RASA2: variants seen among roughly 807,000 people sequenced by gnomAD.
RASA2 encodes the protein RAS p21 protein activator 2.
Under a neutral mutation model 118.2 loss-of-function variants are expected in RASA2, and 155 were observed. The ratio of observed to expected loss-of-function variants is 1.31; its 90% CI spans 1.15 to 1.50. RASA2 has a LOEUF of 1.50. Among genes scored for constraint, RASA2 ranks in the 40% most tolerant of loss-of-function variants. RASA2 has a pLI of 0.00. For synonymous variants in RASA2, 353 were observed against 349.1 expected (o/e 1.01, Z -0.12); for missense variants, 1,016 against 1,009.6 (o/e 1.01, Z -0.09).
chr3:141,522,322 A>AG (rs1484932801), intron 3 of RASA2, among the ~76,000 whole-genome samples: 1 of 152,140 alleles, frequency 6.6e-6, no homozygotes, highest in Non-Finnish European at 1.5e-5. Flanking sequence ...GGCTGCTGAG[A>AG]GAAAGGCAGG....
intron 19 of RASA2, among the ~76,000 whole-genome samples, chr3:141,606,968 A>T (rs1242382240): frequency 6.6e-6 from 1 of 152,178 alleles, no homozygotes; most frequent in African/African-American, 2.4e-5. Flanking sequence ...GTGAGATATA[A>T]TTTATTCTCA....
At chr3:141,601,555 T>C (rs1183682276) in intron 19 of RASA2, among the ~76,000 whole-genome samples, 3 of 152,208 alleles carry the variant, frequency 2.0e-5, no homozygotes, top group African/African-American at 4.8e-5. Context: ...TTAAAAGCAC[T>C]GAACATTTTT....
chr3:141,574,940 G>T (rs1216428270), intron 14 of RASA2, among the ~76,000 whole-genome samples: 2 of 152,088 alleles, frequency 1.3e-5, no homozygotes, highest in Admixed American at 1.3e-4. Context: ...TTTTAATTTT[G>T]AAAAAGTAGC....
chr3:141,561,775 G>A, intron 9 of RASA2, among the ~76,000 whole-genome samples: 1 of 152,226 alleles, frequency 6.6e-6, no homozygotes, highest in South Asian at 2.1e-4. Flanking sequence ...TCTCAAAATA[G>A]ATTAATTTTT....
At chr3:141,598,952 G>A (rs747908935) in intron 19 of RASA2, among the ~76,000 whole-genome samples, 1 of 151,998 alleles carries the variant, frequency 6.6e-6, no homozygotes. Context: ...GCTGGGCGTC[G>A]TGGTGCATGC....
intron 9 of RASA2, among the ~76,000 whole-genome samples, chr3:141,563,089 AATT>A (rs2082762407): frequency 1.3e-5 from 2 of 152,146 alleles, no homozygotes; most frequent in Non-Finnish European, 2.9e-5. Flanking sequence ...CTATGGTTAG[AATT>A]GTTTAAATGC....
intron 1 of RASA2, among the ~76,000 whole-genome samples, chr3:141,510,672 A>AT (rs2151079396): frequency 6.6e-6 from 1 of 152,358 alleles, no homozygotes; most frequent in African/African-American, 2.4e-5. Flanking sequence ...AGACTGAATG[A>AT]TAAGGCACTC....
chr3:141,557,336 A>G (rs2082665076), intron 7 of RASA2, among the ~76,000 whole-genome samples: 1 of 152,252 alleles, frequency 6.6e-6, no homozygotes, highest in Non-Finnish European at 1.5e-5. Context: ...TGGGGAGGTC[A>G]GATGAACTCT....
intron 1 of RASA2, among the ~76,000 whole-genome samples, chr3:141,510,920 A>G (rs1312468445): frequency 1.3e-5 from 2 of 152,168 alleles, no homozygotes; most frequent in African/African-American, 2.4e-5. Context: ...AACCTAAAGA[A>G]TATGTTTCAA....
intron 9 of RASA2, among the ~76,000 whole-genome samples, chr3:141,565,614 G>T (rs2082807710): frequency 1.3e-5 from 2 of 152,156 alleles, no homozygotes; most frequent in African/African-American, 4.8e-5. Flanking sequence ...AAGCTCTCTT[G>T]CCTGCCGCAT....
chr3:141,587,618 G>A lies in RASA2; in HGVS notation c.1933+866G>A, dbSNP rs113326330. Reference sequence around the variant, plus strand: ...AGTCCCAGCTACTCTGGAGGCTGAGGCAGGAGAATCGCTTGAACCCAGGAG... The same window carrying A: ...AGTCCCAGCTACTCTGGAGGCTGAGACAGGAGAATCGCTTGAACCCAGGAG... On this transcript the variant is annotated intron_variant, in intron 19 of 23. Transcript: ENST00000286364. Among the ~76,000 whole-genome samples the A allele has an allele frequency of 9.2e-3, 1,392 of 151,502 alleles. 25 individuals are homozygous for A. The highest frequency in any genetic ancestry group is 0.032 in the African/African-American group (1,300 of 41,248).
At chr3:141,491,486 C>T (rs2081639173) in intron 1 of RASA2, among the ~76,000 whole-genome samples, 1 of 152,074 alleles carries the variant, frequency 6.6e-6, no homozygotes, top group South Asian at 2.1e-4. Flanking sequence ...AAAAATCATC[C>T]CAGTGTCAGC....
At chr3:141,598,813 G>A (rs1259967064) in intron 19 of RASA2, among the ~76,000 whole-genome samples, 1 of 152,044 alleles carries the variant, frequency 6.6e-6, no homozygotes, top group African/African-American at 2.4e-5. Context: ...GGCTGGGCAC[G>A]GTGGTTCACG....
chr3:141,502,567 A>G (rs960426079), intron 1 of RASA2, among the ~76,000 whole-genome samples: 1 of 152,072 alleles, frequency 6.6e-6, no homozygotes, highest in Non-Finnish European at 1.5e-5. Flanking sequence ...TGTTCATGTT[A>G]TGCCTTCCTC....
Position 141,613,543 on chromosome 3 carries a change from A to T in RASA2, c.*1230A>T, listed in dbSNP as rs1029563916. 3.3e-5 allele frequency: 5 copies of T among 152,192 alleles called. No individual in the cohort carries two copies. Among genetic ancestry groups the T allele is most frequent in the Non-Finnish European group, 7.3e-5 (5 of 68,040 alleles). 9.4% of individuals were successfully genotyped at this position (152,192 alleles called of 1,614,324 possible). A position where few individuals can be genotyped will look rare whatever the true frequency, so the allele number is the denominator to read the frequency against. On this transcript the variant is annotated 3_prime_UTR_variant, in exon 24 of 24. Transcript: ENST00000286364. ...CTTTGCTTCATCAGTATTAAAAACC[A>T]TGGTACTCTTATTTTGTCTTTTTTA...
chr3:141,552,349 G>A (rs1471634865), intron 5 of RASA2, among the ~76,000 whole-genome samples: 1 of 152,106 alleles, frequency 6.6e-6, no homozygotes, highest in Non-Finnish European at 1.5e-5. Flanking sequence ...ATGTAGAAGG[G>A]CACTGGACTT....
At chr3:141,596,891 C>T (rs1023574326) in intron 19 of RASA2, among the ~76,000 whole-genome samples, 1 of 152,160 alleles carries the variant, frequency 6.6e-6, no homozygotes, top group African/African-American at 2.4e-5. Context: ...GGGCAGTTCT[C>T]AGAAAGTTAA....
At chr3:141,535,105 T>TG (rs2082309064) in intron 4 of RASA2, among the ~76,000 whole-genome samples, 1 of 152,200 alleles carries the variant, frequency 6.6e-6, no homozygotes, top group Non-Finnish European at 1.5e-5. Flanking sequence ...CAAATCTATC[T>TG]GCCTCATTTT....
chr3:141,487,678 TGGC>T (rs1261167371), intron 1 of RASA2, among the ~76,000 whole-genome samples: 1 of 145,614 alleles, frequency 6.9e-6, no homozygotes, highest in African/African-American at 2.6e-5. Flanking sequence ...CCCGAGGAGG[TGGC>T]GGGCTGGGAA....
Sources: allele counts gnomAD v4.1 joint callset (sites outside exome capture counted in the v4.1 genomes callset), GRCh38; gene constraint gnomAD v4.1.1; transcripts MANE v1.5; gene names NCBI Gene and HGNC (gene_info 2026-07-23, HGNC 2026-07-21).